The following RREB1 variants were observed in gnomAD, a reference collection of about 807,000 sequenced individuals.
RREB1 encodes ras-responsive element-binding protein 1.
In RREB1, 27 loss-of-function variants were observed where a neutral mutation model predicts 117.8. The ratio of observed to expected loss-of-function variants is 0.23; its 90% CI spans 0.17 to 0.32. The LOEUF (loss-of-function observed/expected upper bound fraction) is 0.32. Ranked by LOEUF, RREB1 falls within the 10% of genes least tolerant of loss-of-function variation. The pLI is 1.00. For missense variants in RREB1, 2,577 were observed against 2,378.2 expected (o/e 1.08, Z -1.74); for synonymous variants, 1,298 against 1,026.7 (o/e 1.26, Z -5.05).
chr6:7,219,793 A>G (rs538498955), intron 8 of RREB1, among the ~76,000 whole-genome samples: 66 of 152,242 alleles, frequency 4.3e-4, no homozygotes, highest in African/African-American at 1.6e-3. Context: ...CCTTCCTGCC[A>G]TCTGTGCCTT....
chr6:7,173,477 A>G (rs1349374357), intron 1 of RREB1, among the ~76,000 whole-genome samples: 1 of 151,838 alleles, frequency 6.6e-6, no homozygotes, highest in Non-Finnish European at 1.5e-5. Context: ...TGGGCGACAG[A>G]ATGAGACTCT....
intron 2 of RREB1, among the ~76,000 whole-genome samples, chr6:7,180,835 G>T (rs1472848768): frequency 1.3e-5 from 2 of 152,204 alleles, no homozygotes; most frequent in Non-Finnish European, 2.9e-5. Flanking sequence ...GTGTGAAAGA[G>T]AATTTGATGC....
intron 1 of RREB1, among the ~76,000 whole-genome samples, chr6:7,170,872 T>C (rs1032041192): frequency 6.6e-6 from 1 of 152,186 alleles, no homozygotes; most frequent in African/African-American, 2.4e-5. Flanking sequence ...ATGAGCTGGT[T>C]CTCAGGGCTG....
chr6:7,160,040 G>A (rs2113458587), intron 1 of RREB1, among the ~76,000 whole-genome samples: 1 of 152,176 alleles, frequency 6.6e-6, no homozygotes. Flanking sequence ...CAGGCACTGA[G>A]CTACAGACTA....
chr6:7,243,040 TTTAA>T (rs1459767605), intron 11 of RREB1, among the ~76,000 whole-genome samples: 4 of 152,194 alleles, frequency 2.6e-5, no homozygotes, highest in African/African-American at 9.7e-5. Flanking sequence ...TAGGGCTGTT[TTTAA>T]TTCGTATAAA....
At chr6:7,141,815 A>C (rs546493222) in intron 1 of RREB1, among the ~76,000 whole-genome samples, 1 of 152,322 alleles carries the variant, frequency 6.6e-6, no homozygotes, top group African/African-American at 2.4e-5. Flanking sequence ...AGCCCAGGAG[A>C]ACGGGCAGCC....
In RREB1 at chr6:7,230,633, G is replaced by A; in HGVS notation, c.2534G>A (p.Gly845Glu). 1.2e-6 allele frequency: 2 copies of A among 1,604,598 alleles called. No homozygotes were observed. Among genetic ancestry groups the A allele is most frequent in the South Asian group, 1.1e-5 (1 of 90,074 alleles). The change falls in exon 10 of 13, where the codon GGG becomes GAG. Residue 845 changes from glycine (G) to glutamate (E), a missense_variant. Physicochemically the swap from Gly to Glu is moderately conservative, Grantham distance 98 (BLOSUM62 -2). Transcript: ENST00000379938. ...CCGGCCGCTGAGGCGTCGGGGCGCG[G>A]GGAGGACAGTGGCTGCGCTGCCCTT... The part of the protein sequence containing the change: ...EAPAAEASGR[G>E]EDSGCAALGD...
chr6:7,215,158 C>T (rs1405961664), intron 8 of RREB1: 1 of 152,384 alleles, frequency 6.6e-6, no homozygotes, highest in Non-Finnish European at 1.5e-5. Context: ...CAGGCGGCTA[C>T]ACAGAGGACA....
intron 8 of RREB1, 35 bp downstream of exon 8, chr6:7,211,744 C>T (rs757922137): frequency 6.2e-7 from 1 of 1,608,898 alleles, no homozygotes; most frequent in Non-Finnish European, 8.5e-7. Context: ...TTGTTCATTC[C>T]TGTTTCTCCT....
intron 1 of RREB1, chr6:7,139,280 T>G (rs1762465300): frequency 6.6e-6 from 1 of 152,052 alleles, no homozygotes. Context: ...CTGGGTACAG[T>G]GTGTGTATGT....
chr6:7,139,468 A>G (rs942386342), intron 1 of RREB1, among the ~76,000 whole-genome samples: 1 of 152,232 alleles, frequency 6.6e-6, no homozygotes, highest in African/African-American at 2.4e-5. Flanking sequence ...ATCTGGTTTG[A>G]CTGAAGTTAA....
chr6:7,171,947 CTT>C (rs894735058), intron 1 of RREB1, among the ~76,000 whole-genome samples: 37 of 139,202 alleles, frequency 2.7e-4, no homozygotes, highest in Admixed American at 2.9e-4. Flanking sequence ...GACCATTAGT[CTT>C]TTTTTTTTTT....
intron 4 of RREB1, among the ~76,000 whole-genome samples, chr6:7,186,567 C>A (rs146913396): frequency 6.6e-6 from 1 of 152,282 alleles, no homozygotes; most frequent in South Asian, 2.1e-4. Context: ...GACAGGAACC[C>A]GTGGTCTTAG....
intron 1 of RREB1, among the ~76,000 whole-genome samples, chr6:7,171,108 G>C (rs1287744424): frequency 6.6e-6 from 1 of 152,190 alleles, no homozygotes; most frequent in African/African-American, 2.4e-5. Flanking sequence ...CATCAGATAG[G>C]ACTAGACTGT....
chr6:7,197,753 C>T (rs774711390), intron 6 of RREB1, among the ~76,000 whole-genome samples: 7 of 152,132 alleles, frequency 4.6e-5, no homozygotes, highest in Non-Finnish European at 7.3e-5. Context: ...GCCATAGGCA[C>T]GATTTTTTCT....
chr6:7,229,787 T>C lies in RREB1; in HGVS notation c.1688T>C (p.Leu563Pro). Residue 563 changes from leucine (L) to proline (P), a missense_variant, in exon 10 of 13, where the codon CTG becomes CCG. By Grantham distance (98) the Leu-to-Pro change is moderately conservative (BLOSUM62 -3). Coordinates refer to ENST00000379938, the MANE Select transcript of RREB1 (RefSeq NM_001003699.4). This position sits in a 1 kb window ranked among gnomAD's most constrained non-coding sequence, Gnocchi z 4.5. ...GAGGCGGCCTCCAACGCCCACCTGC[T>C]GCAGTCCAAGTCCGGGACCCAGCCC... ...SVEAASNAHL[L>P]QSKSGTQPHA... 1 of 1,608,636 alleles carries C rather than the reference T, an allele frequency of 6.2e-7. No individual in the cohort carries two copies. The highest frequency in any genetic ancestry group is 8.5e-7 in the Non-Finnish European group (1 of 1,176,886).
At chr6:7,155,208 C>T (rs989915910) in intron 1 of RREB1, among the ~76,000 whole-genome samples, 2 of 152,202 alleles carry the variant, frequency 1.3e-5, no homozygotes, top group Non-Finnish European at 2.9e-5. Flanking sequence ...TTCCATCATC[C>T]ATCTGCCTGC....
intron 1 of RREB1, among the ~76,000 whole-genome samples, chr6:7,132,900 G>T (rs1186455360): frequency 2.0e-5 from 3 of 152,090 alleles, no homozygotes; most frequent in African/African-American, 7.2e-5. Context: ...ACACAGATAA[G>T]GAAACTTGAA....
chr6:7,129,786 GCCCTGAC>G (rs1762077296), intron 1 of RREB1, among the ~76,000 whole-genome samples: 1 of 152,202 alleles, frequency 6.6e-6, no homozygotes, highest in African/African-American at 2.4e-5. Context: ...TTCCACTTTA[GCCCTGAC>G]ATAGAAGGTT....
Sources: allele counts gnomAD v4.1 joint callset (sites outside exome capture counted in the v4.1 genomes callset), GRCh38; gene constraint gnomAD v4.1.1; non-coding constraint Gnocchi (gnomAD v3.1); transcripts MANE v1.5; gene names NCBI Gene and HGNC (gene_info 2026-07-23, HGNC 2026-07-21).